Variants in EPHB1 observed in about 807,000 individuals in gnomAD.
EPHB1 encodes the protein EPH receptor B1.
EPHB1 carries 30 observed loss-of-function variants against 94.4 expected under a neutral mutation model. The observed-to-expected ratio is 0.32, with a 90% confidence interval of 0.24 to 0.43. The LOEUF (loss-of-function observed/expected upper bound fraction) is 0.43, where lower values mean the gene tolerates loss of function less well. Ranked by LOEUF, EPHB1 falls within the 20% of genes least tolerant of loss-of-function variation. The pLI, the probability that EPHB1 is intolerant of heterozygous loss-of-function variation, is 1.00. For missense variants in EPHB1, 1,055 were observed against 1,308.3 expected, an observed-to-expected ratio of 0.81 and a Z score of 2.99; for synonymous variants, 522 against 489.1, an observed-to-expected ratio of 1.07 and a Z score of -0.89.
intron 1 of EPHB1, among the ~76,000 whole-genome samples, chr3:134,811,979 G>T (rs916977767): frequency 6.6e-6 from 1 of 152,194 alleles, no homozygotes; most frequent in Non-Finnish European, 1.5e-5. Context: ...GAAGCCTTGG[G>T]CAGGAGTGAC....
At chr3:135,148,825 C>T (rs958027067) in intron 5 of EPHB1, among the ~76,000 whole-genome samples, 6 of 152,226 alleles carry the variant, frequency 3.9e-5, no homozygotes, top group African/African-American at 1.4e-4. Context: ...CTTTGTTTTT[C>T]TCCATCCCAG....
chr3:134,876,641 G>C (rs988905793), intron 1 of EPHB1, among the ~76,000 whole-genome samples: 1 of 152,184 alleles, frequency 6.6e-6, no homozygotes, highest in African/African-American at 2.4e-5. Flanking sequence ...TGCAGGGAGA[G>C]GCTCAGTAGG....
intron 3 of EPHB1, among the ~76,000 whole-genome samples, chr3:134,974,947 CCCTGCCACTGCCCATCCT>C (rs1934125991): frequency 6.6e-6 from 1 of 152,196 alleles, no homozygotes; most frequent in Non-Finnish European, 1.5e-5. Flanking sequence ...CCTCTCCCCT[CCCTGCCACTGCCCATCCT>C]CTCTGTGTCT....
intron 3 of EPHB1, among the ~76,000 whole-genome samples, chr3:135,020,460 C>T (rs1171687277): frequency 6.6e-6 from 1 of 152,232 alleles, no homozygotes; most frequent in African/African-American, 2.4e-5. Context: ...TAGGCATCCA[C>T]CAATCCATTT....
At chr3:134,997,784 T>G (rs1935043145) in intron 3 of EPHB1, among the ~76,000 whole-genome samples, 1 of 152,182 alleles carries the variant, frequency 6.6e-6, no homozygotes, top group Non-Finnish European at 1.5e-5. Flanking sequence ...GCAAACAGTT[T>G]CCTGAATTTT....
At chr3:134,849,997 A>C (rs1023015350) in intron 1 of EPHB1, among the ~76,000 whole-genome samples, 10 of 152,218 alleles carry the variant, frequency 6.6e-5, no homozygotes, top group African/African-American at 2.4e-4. Flanking sequence ...TAGCTTTGAG[A>C]GTCACCAGCA....
At chr3:134,837,627 A>G (rs1344765616) in intron 1 of EPHB1, among the ~76,000 whole-genome samples, 1 of 152,204 alleles carries the variant, frequency 6.6e-6, no homozygotes, top group Non-Finnish European at 1.5e-5. Context: ...GAAGAAAGGC[A>G]TACTTAGCTG....
chr3:135,093,721 C>CA lies in EPHB1; in HGVS notation c.806-12711dup, dbSNP rs11297040. On this transcript the variant is annotated intron_variant, in intron 3 of 15. Coordinates refer to ENST00000398015, the MANE Select transcript of EPHB1 (RefSeq NM_004441.5). ...TGGGTAACAGAGTGAGACCCTGACT[C>CA]AAAAAAAAAAAAAAAATCGTTTTCC... is the stretch of plus-strand genomic sequence containing the variant. Among the ~76,000 whole-genome samples the CA allele has an allele frequency of 4.4e-3, 625 of 140,538 alleles. 4 individuals are homozygous for CA. The highest frequency in any genetic ancestry group is 0.015 in the African/African-American group (565 of 37,106). 92.2% of individuals were successfully genotyped at this position (140,538 alleles called of 152,430 possible). A position where few individuals can be genotyped will look rare whatever the true frequency, so the allele number is the denominator to read the frequency against.
At chr3:134,809,777 G>A (rs933745238) in intron 1 of EPHB1, among the ~76,000 whole-genome samples, 3 of 152,154 alleles carry the variant, frequency 2.0e-5, no homozygotes, top group African/African-American at 4.8e-5. Context: ...AGCAACCCTC[G>A]CACTGAAATG....
At chr3:135,060,056 G>T (rs1333059917) in intron 3 of EPHB1, among the ~76,000 whole-genome samples, 1 of 152,222 alleles carries the variant, frequency 6.6e-6, no homozygotes, top group Non-Finnish European at 1.5e-5. Context: ...TTAACGTACT[G>T]TAAAATTCAC....
intron 1 of EPHB1, among the ~76,000 whole-genome samples, chr3:134,819,850 A>G (rs770444558): frequency 5.9e-5 from 9 of 152,104 alleles, no homozygotes; most frequent in Non-Finnish European, 1.0e-4. Flanking sequence ...GCCCCATCCC[A>G]TACTTCTTGC....
At chr3:134,925,469 T>C (rs1364237226) in intron 1 of EPHB1, among the ~76,000 whole-genome samples, 1 of 152,192 alleles carries the variant, frequency 6.6e-6, no homozygotes, top group Non-Finnish European at 1.5e-5. Flanking sequence ...GCAGAATCTC[T>C]GGGAAGAATA....
At chr3:135,032,651 T>C (rs934712974) in intron 3 of EPHB1, among the ~76,000 whole-genome samples, 5 of 152,160 alleles carry the variant, frequency 3.3e-5, no homozygotes, top group South Asian at 2.1e-4. Context: ...ATGGGTGCCA[T>C]TGTTGGGTGG....
In EPHB1 at chr3:135,111,672, C is replaced by G. The variant is rs538214677; in HGVS notation, c.961+5069C>G. ...ATCCCCACCTGTTCTGGCTCAATTT[C>G]TATTTCATTTTCACTCTTTTTTTTT... On this transcript the variant is annotated intron_variant, in intron 4 of 15. Coordinates refer to ENST00000398015, the MANE Select transcript of EPHB1 (RefSeq NM_004441.5). Among the ~76,000 whole-genome samples the G allele has an allele frequency of 3.9e-5, 6 of 152,166 alleles. No individual in the cohort carries two copies. The East Asian group carries it at 1.2e-3, about 29-fold the overall frequency.
intron 12 of EPHB1, among the ~76,000 whole-genome samples, chr3:135,232,853 A>G (rs536423527): frequency 7.7e-4 from 117 of 152,304 alleles, no homozygotes; most frequent in Middle Eastern, 3.4e-3. Context: ...GGCAGCAAGA[A>G]GTGCCAAGCA....
chr3:135,132,673 C>T (rs568414990), intron 4 of EPHB1, 41 bp from the exon 5 acceptor site: 41 of 1,511,598 alleles, frequency 2.7e-5, no homozygotes, highest in Non-Finnish European at 3.6e-5. Context: ...GACAAGGAAG[C>T]TTATGTCTAG....
At chr3:135,098,241 A>T (rs773540167) in intron 3 of EPHB1, among the ~76,000 whole-genome samples, 2 of 152,242 alleles carry the variant, frequency 1.3e-5, no homozygotes, top group Non-Finnish European at 1.5e-5. Flanking sequence ...TACTAAAGTC[A>T]TGTATATGTA....
chr3:134,915,680 G>A (rs1211748279), intron 1 of EPHB1, among the ~76,000 whole-genome samples: 1 of 152,142 alleles, frequency 6.6e-6, no homozygotes, highest in Non-Finnish European at 1.5e-5. Context: ...TGGCTCAGGA[G>A]TGAAGCTGCA....
chr3:135,064,283 T>C (rs1328705988), intron 3 of EPHB1, among the ~76,000 whole-genome samples: 1 of 152,164 alleles, frequency 6.6e-6, no homozygotes, highest in Admixed American at 6.5e-5. Context: ...TACCAATCCT[T>C]CTTTGAATGG....
Sources: allele counts gnomAD v4.1 joint callset (sites outside exome capture counted in the v4.1 genomes callset), GRCh38; gene constraint gnomAD v4.1.1; transcripts MANE v1.5; gene names NCBI Gene and HGNC (gene_info 2026-07-23, HGNC 2026-07-21).